The following HDX variants were observed in gnomAD, a reference collection of about 807,000 sequenced individuals.
The protein encoded by HDX is highly divergent homeobox.
HDX carries 19 observed loss-of-function variants against 45.2 expected under a neutral mutation model. The ratio of observed to expected loss-of-function variants is 0.42; its 90% CI spans 0.29 to 0.62. The LOEUF is 0.62. Among genes scored for constraint, HDX ranks in the 20% least tolerant of loss-of-function variants. The pLI is 0.20. For synonymous variants in HDX, 188 were observed against 172.8 expected (o/e 1.09, Z -0.69); for missense variants, 532 against 493.9 (o/e 1.08, Z -0.73).
chrX:84,476,438 G>T (rs2148157816), intron 2 of HDX, among the ~76,000 whole-genome samples: 1 of 107,871 alleles, frequency 9.3e-6, no homozygotes, highest in East Asian at 2.9e-4. Flanking sequence ...CCTGCTACTT[G>T]GGAGGCTGAG....
chrX:84,387,781 G>A lies in HDX; in HGVS notation c.1306-26169C>T, dbSNP rs779939371. Among the ~76,000 whole-genome samples, 15 of 111,691 alleles carry A rather than the reference G, an allele frequency of 1.3e-4. No homozygotes were observed. The East Asian group carries it at 3.1e-3, about 23-fold the overall frequency. On this transcript the variant is annotated intron_variant, in intron 5 of 10. Coordinates refer to ENST00000373177, the MANE Select transcript of HDX (RefSeq NM_001177479.2). ...TCTCTTTTATCCAGCGTGCAACTCTGTATCTTTTAAGTGGGGGAATGTGGC... is the reference window on the plus strand; with the variant it reads ...TCTCTTTTATCCAGCGTGCAACTCTATATCTTTTAAGTGGGGGAATGTGGC...
At position 84,426,032 on chromosome X, in the gene HDX, A is replaced by G. The variant is rs190883431; in HGVS notation, c.1305+14500T>C. ...TGGATACTCCATTCTATACGATGTG[A>G]TTATTAAGCATTGCATGCCTGTATC... On this transcript the variant is annotated intron_variant, in intron 5 of 10. Coordinates refer to ENST00000373177, the MANE Select transcript of HDX (RefSeq NM_001177479.2). Among the ~76,000 whole-genome samples the G allele has an allele frequency of 3.1e-3, 339 of 111,134 alleles. 3 individuals are homozygous for G. Among genetic ancestry groups the G allele is most frequent in the African/African-American group, 0.01 (317 of 30,718 alleles).
At chrX:84,456,213 C>T (rs1351301552) in intron 4 of HDX, among the ~76,000 whole-genome samples, 3 of 111,794 alleles carry the variant, frequency 2.7e-5, no homozygotes, top group Non-Finnish European at 5.7e-5. Flanking sequence ...AAAATATTCA[C>T]ATCTTGAGTA....
rs756486598 is a variant in HDX, at chrX:84,482,889, A to G, written c.-1+5135T>C. ...TACTTCCTAGATACAATGGGAGTGC[A>G]GGCATTGGGTAAATACACCATTCTA... On this transcript the variant is annotated intron_variant, in intron 2 of 10. Coordinates refer to ENST00000373177, the MANE Select transcript of HDX (RefSeq NM_001177479.2). Among the ~76,000 whole-genome samples, 4 of 112,263 alleles carry G rather than the reference A, an allele frequency of 3.6e-5. No homozygotes were observed. The East Asian group carries it at 1.1e-3, about 32-fold the overall frequency.
At chrX:84,470,635 A>G (rs2040437386) in intron 3 of HDX, among the ~76,000 whole-genome samples, 1 of 111,471 alleles carries the variant, frequency 9.0e-6, no homozygotes, top group Admixed American at 9.6e-5. Context: ...TAAACAGATT[A>G]AGATTATTAA....
chrX:84,492,093 T>C (rs999143021), intron 1 of HDX, among the ~76,000 whole-genome samples: 1 of 110,801 alleles, frequency 9.0e-6, no homozygotes, highest in Non-Finnish European at 1.9e-5. Context: ...CTCTGAACTA[T>C]GTCTTCTCAA....
intron 8 of HDX, among the ~76,000 whole-genome samples, chrX:84,336,397 C>T (rs2036963449): frequency 9.0e-6 from 1 of 111,039 alleles, no homozygotes; most frequent in Non-Finnish European, 1.9e-5. Flanking sequence ...AACTCAGAGT[C>T]GGAAATTCTT....
intron 5 of HDX, among the ~76,000 whole-genome samples, chrX:84,376,975 C>T (rs1439479181): frequency 1.8e-5 from 2 of 111,948 alleles, no homozygotes. Context: ...TCAGGTCTGA[C>T]CCAATGAAGT....
chrX:84,395,608 C>G (rs1010794347), intron 5 of HDX, among the ~76,000 whole-genome samples: 5 of 111,199 alleles, frequency 4.5e-5, no homozygotes, highest in African/African-American at 1.6e-4. Context: ...TATTTGGATA[C>G]CTAAATCTTT....
At chrX:84,409,151 T>C (rs2038916993) in intron 5 of HDX, among the ~76,000 whole-genome samples, 1 of 110,675 alleles carries the variant, frequency 9.0e-6, no homozygotes, top group African/African-American at 3.3e-5. Flanking sequence ...ATCAGAGAAA[T>C]GCAAATCAAA....
intron 5 of HDX, among the ~76,000 whole-genome samples, chrX:84,369,546 G>A (rs995626422): frequency 5.4e-5 from 6 of 111,984 alleles, no homozygotes; most frequent in Admixed American, 3.8e-4. Context: ...AGTGCATAGA[G>A]GTTTTAATTT....
chrX:84,487,658 G>A (rs765024206), intron 2 of HDX, among the ~76,000 whole-genome samples: 1 of 111,725 alleles, frequency 9.0e-6, no homozygotes, highest in African/African-American at 3.3e-5. Flanking sequence ...CTTTCCACAG[G>A]TTGATGCCCA....
At chrX:84,440,788 A>T (rs916584209) in intron 4 of HDX, among the ~76,000 whole-genome samples, 17 of 111,330 alleles carry the variant, frequency 1.5e-4, no homozygotes, top group African/African-American at 5.5e-4. Flanking sequence ...AGTGGGGCAG[A>T]CTTCTGGGAA....
At chrX:84,399,854 C>T (rs1198863666) in intron 5 of HDX, among the ~76,000 whole-genome samples, 3 of 111,676 alleles carry the variant, frequency 2.7e-5, no homozygotes, top group Middle Eastern at 4.6e-3. Context: ...CATCAAAAAG[C>T]TTATCCACCA....
chrX:84,474,012 C>T (rs903539537), intron 3 of HDX, among the ~76,000 whole-genome samples: 10 of 112,254 alleles, frequency 8.9e-5, no homozygotes, highest in Non-Finnish European at 1.5e-4. Context: ...TATCCTGGGC[C>T]GGGCGCGGTG....
rs1018804323 is a variant in HDX at position 84,319,593 on chromosome X, G to C, written c.*2296C>G. 9.0e-6 allele frequency: 1 copy of C among 111,076 alleles called. No homozygotes were observed. Among genetic ancestry groups the C allele is most frequent in the African/African-American group, 3.3e-5 (1 of 30,735 alleles). The allele number at this position is 111,076 out of a possible 1,213,427, so 9.2% of individuals were successfully genotyped here. A position where few individuals can be genotyped will look rare whatever the true frequency, so the allele number is the denominator to read the frequency against. On this transcript the variant is annotated 3_prime_UTR_variant, in exon 11 of 11. Transcript: ENST00000373177. ...AAACACAAATTTCAAGACAAAAGGAGTTCTAAATGTATTGTTATGATTTAT... is the reference window on the plus strand; with the variant it reads ...AAACACAAATTTCAAGACAAAAGGACTTCTAAATGTATTGTTATGATTTAT...
chrX:84,408,339 G>C (rs2038883628), intron 5 of HDX, among the ~76,000 whole-genome samples: 3 of 110,267 alleles, frequency 2.7e-5, no homozygotes, highest in African/African-American at 9.9e-5. Context: ...TATTGACTTT[G>C]TCGAAGATCA....
At chrX:84,438,966 T>C (rs1878615466) in intron 5 of HDX, among the ~76,000 whole-genome samples, 1 of 112,344 alleles carries the variant, frequency 8.9e-6, no homozygotes, top group Non-Finnish European at 1.9e-5. Flanking sequence ...TCCAAGCTGC[T>C]TTCCACAGTG....
At chrX:84,494,485 T>C (rs150593146) in intron 1 of HDX, among the ~76,000 whole-genome samples, 1 of 112,073 alleles carries the variant, frequency 8.9e-6, no homozygotes, top group African/African-American at 3.2e-5. Flanking sequence ...TATTTAATTA[T>C]CTTACAACTC....
Sources: allele counts gnomAD v4.1 joint callset (sites outside exome capture counted in the v4.1 genomes callset), GRCh38; gene constraint gnomAD v4.1.1; transcripts MANE v1.5; gene names NCBI Gene and HGNC (gene_info 2026-07-23, HGNC 2026-07-21).